CTNNA2: variants seen among roughly 807,000 people sequenced by gnomAD.
CTNNA2 encodes catenin alpha 2, also known as catenin alpha-2.
CTNNA2 carries 42 observed loss-of-function variants against 101.0 expected under a neutral mutation model. The observed-to-expected ratio is 0.42, with a 90% CI of 0.32 to 0.54. The LOEUF (loss-of-function observed/expected upper bound fraction) is 0.54, where lower values mean the gene tolerates loss of function less well. Ranked by LOEUF, CTNNA2 falls within the 20% of genes least tolerant of loss-of-function variation. CTNNA2 has a pLI of 0.14. For synonymous variants in CTNNA2, 450 were observed against 456.4 expected (o/e 0.99, Z 0.18); for missense variants, 871 against 1,223.1 (o/e 0.71, Z 4.29).
At chr2:79,193,952 G>A (rs896660821) in intron 1 of CTNNA2, among the ~76,000 whole-genome samples, 2 of 152,120 alleles carry the variant, frequency 1.3e-5, no homozygotes, top group African/African-American at 2.4e-5. Flanking sequence ...GCATGCTGTT[G>A]CCATTTTTAT....
At chr2:80,247,205 G>A (rs1671392678) in intron 7 of CTNNA2, among the ~76,000 whole-genome samples, 1 of 152,154 alleles carries the variant, frequency 6.6e-6, no homozygotes, top group Admixed American at 6.5e-5. Flanking sequence ...TAATGAAGAT[G>A]AGAATGAGGT....
intron 5 of CTNNA2, among the ~76,000 whole-genome samples, chr2:79,505,481 G>C (rs761852092): frequency 1.3e-5 from 2 of 152,186 alleles, no homozygotes; most frequent in Non-Finnish European, 2.9e-5. Context: ...CTCTTTAGAA[G>C]TTAGTTATTT....
At chr2:79,857,451 T>C (rs2103946427) in intron 3 of CTNNA2, among the ~76,000 whole-genome samples, 1 of 152,334 alleles carries the variant, frequency 6.6e-6, no homozygotes, top group Middle Eastern at 3.4e-3. Flanking sequence ...ATTTGTTTAA[T>C]TGGTTTAGTT....
chr2:80,581,626 T>C, intron 13 of CTNNA2, 80 bp from the exon 14 acceptor site: 1 of 862,758 alleles, frequency 1.2e-6, no homozygotes, highest in South Asian at 1.4e-5. Context: ...TGGGGGATAT[T>C]TAGCCTTTGC....
chr2:79,724,336 G>A (rs1033320229), intron 2 of CTNNA2, among the ~76,000 whole-genome samples: 12 of 151,918 alleles, frequency 7.9e-5, no homozygotes, highest in Admixed American at 1.3e-4. Flanking sequence ...CCCAAAATGC[G>A]TGTTAGGGTT....
At chr2:80,212,319 GT>G (rs1448782441) in intron 7 of CTNNA2, among the ~76,000 whole-genome samples, 2 of 152,132 alleles carry the variant, frequency 1.3e-5, no homozygotes, top group Admixed American at 1.3e-4. Flanking sequence ...AATGCTTCAA[GT>G]TTTTGCCCAT....
intron 3 of CTNNA2, among the ~76,000 whole-genome samples, chr2:79,763,745 T>C (rs1410033364): frequency 6.6e-6 from 1 of 152,196 alleles, no homozygotes; most frequent in African/African-American, 2.4e-5. Context: ...ACGGTTGCAT[T>C]GTTTGTGGAT....
chr2:80,466,418 C>G (rs1572959670), intron 9 of CTNNA2, among the ~76,000 whole-genome samples: 1 of 152,228 alleles, frequency 6.6e-6, no homozygotes, highest in East Asian at 1.9e-4. Context: ...AGTAAATGTG[C>G]ATTATGTATG....
At chr2:80,248,035 G>A (rs980343635) in intron 7 of CTNNA2, among the ~76,000 whole-genome samples, 5 of 150,894 alleles carry the variant, frequency 3.3e-5, no homozygotes, top group Non-Finnish European at 5.9e-5. Flanking sequence ...TTTTTTGTGG[G>A]GGCAGGGGAC....
At chr2:79,273,050 C>T (rs748890673) in intron 2 of CTNNA2, among the ~76,000 whole-genome samples, 1 of 152,028 alleles carries the variant, frequency 6.6e-6, no homozygotes. Flanking sequence ...TGGTGTTCCT[C>T]TACTAAATTT....
At chr2:80,245,961 A>AT (rs1434952122) in intron 7 of CTNNA2, among the ~76,000 whole-genome samples, 2 of 151,440 alleles carry the variant, frequency 1.3e-5, no homozygotes, top group Non-Finnish European at 2.9e-5. Context: ...CACCCGGCTA[A>AT]TTTTTTGTAT....
chr2:79,202,265 G>A (rs1260644108), intron 2 of CTNNA2, among the ~76,000 whole-genome samples: 1 of 151,910 alleles, frequency 6.6e-6, no homozygotes, highest in African/African-American at 2.4e-5. Context: ...GGAGTCTCAA[G>A]ATTTATTTTC....
intron 7 of CTNNA2, among the ~76,000 whole-genome samples, chr2:80,287,687 G>C (rs973110104): frequency 6.6e-6 from 1 of 151,982 alleles, no homozygotes; most frequent in African/African-American, 2.4e-5. Flanking sequence ...TGAGTCGTTT[G>C]CTCTGCATCA....
intron 7 of CTNNA2, among the ~76,000 whole-genome samples, chr2:80,312,026 G>T (rs985982532): frequency 3.3e-5 from 5 of 152,166 alleles, no homozygotes; most frequent in Non-Finnish European, 5.9e-5. Context: ...TCTTCTACTT[G>T]CTATTAGCAA....
chr2:79,329,294 G>A (rs1284723157), intron 3 of CTNNA2, among the ~76,000 whole-genome samples: 2 of 152,100 alleles, frequency 1.3e-5, no homozygotes, highest in Non-Finnish European at 2.9e-5. Context: ...ACATAGATGG[G>A]CATCATGCTT....
At chr2:80,073,813 T>C (rs1375157909) in intron 7 of CTNNA2, among the ~76,000 whole-genome samples, 1 of 151,792 alleles carries the variant, frequency 6.6e-6, no homozygotes, top group African/African-American at 2.4e-5. Flanking sequence ...TTTTATAACA[T>C]TTGCAATAAT....
intron 9 of CTNNA2, among the ~76,000 whole-genome samples, chr2:80,476,247 C>T (rs183754293): frequency 8.7e-4 from 133 of 152,136 alleles, no homozygotes; most frequent in African/African-American, 2.5e-3. Context: ...TTTTGGCTCT[C>T]GGGGACACTC....
chr2:80,150,776 G>A (rs953369788), intron 7 of CTNNA2, among the ~76,000 whole-genome samples: 1 of 152,100 alleles, frequency 6.6e-6, no homozygotes, highest in African/African-American at 2.4e-5. Flanking sequence ...TGTTTTCCCC[G>A]TGTGGTTTCT....
intron 7 of CTNNA2, among the ~76,000 whole-genome samples, chr2:80,299,887 G>A (rs73938270): frequency 0.01 from 1,575 of 152,238 alleles, 27 homozygotes; most frequent in African/African-American, 0.035. Flanking sequence ...AGCTTTGGGC[G>A]CTGGATTCCT....
Sources: gnomAD v4.1 joint callset for allele counts (sites outside exome capture counted in the v4.1 genomes callset) on GRCh38, gnomAD v4.1.1 for gene constraint, MANE v1.5 for transcripts, NCBI Gene and HGNC (gene_info 2026-07-23, HGNC 2026-07-21) for gene names.